Variants in RSPH14 observed in about 807,000 individuals in gnomAD.
RSPH14 encodes the protein rhabdoid tumor deletion region gene 1.
Under a neutral mutation model 26.7 loss-of-function variants are expected in RSPH14, and 20 were observed. The ratio of observed to expected loss-of-function variants is 0.75; its 90% CI spans 0.53 to 1.09. The LOEUF (loss-of-function observed/expected upper bound fraction) is 1.09, where lower values mean the gene tolerates loss of function less well. Ranked by LOEUF, RSPH14 falls within the 50% of genes least tolerant of loss-of-function variation. RSPH14 has a pLI of 0.00. For synonymous variants in RSPH14, 177 were observed against 189.3 expected (o/e 0.93, Z 0.53); for missense variants, 449 against 457.2 (o/e 0.98, Z 0.16).
intron 4 of RSPH14, among the ~76,000 whole-genome samples, chr22:23,079,746 A>G (rs1368190158): frequency 6.6e-6 from 1 of 152,092 alleles, no homozygotes; most frequent in Non-Finnish European, 1.5e-5. Context: ...TGAGTGGTAG[A>G]ATTCTGGACA....
At chr22:23,152,252 G>A in the RSPH14 span, among the ~76,000 whole-genome samples, 76 of 152,276 alleles carry the variant, frequency 5.0e-4, no homozygotes, top group African/African-American at 1.7e-3. Context: ...GAGGGGTGCA[G>A]CTCTAGGGGC....
upstream of RSPH14, chr22:23,146,473 A>G: frequency 1.5e-6 from 2 of 1,375,396 alleles, no homozygotes; most frequent in Non-Finnish European, 1.9e-6. Flanking sequence ...TGGCCTCCCA[A>G]AGTGCTGGGA....
chr22:23,158,905 T>C, the RSPH14 span: 27 of 1,613,850 alleles, frequency 1.7e-5, no homozygotes, highest in Admixed American at 4.3e-4. Context: ...CAGGCAGTGG[T>C]TGGAGGATGC....
intron 4 of RSPH14, among the ~76,000 whole-genome samples, chr22:23,070,924 C>T (rs1056481212): frequency 6.6e-6 from 1 of 151,982 alleles, no homozygotes; most frequent in Non-Finnish European, 1.5e-5. Flanking sequence ...ATGCGGAGCC[C>T]GGGCGGGCCA....
At position 23,138,742 on chromosome 22, in the gene RSPH14, G is replaced by A. The variant is rs936016280; in HGVS notation, c.302+98C>T. 14 of 982,446 alleles carry A rather than the reference G, an allele frequency of 1.4e-5. No homozygotes were observed. In the African/African-American group the frequency reaches 2.1e-4, roughly 15 times the overall value. 60.9% of individuals were successfully genotyped at this position (982,446 alleles called of 1,614,324 possible). A position where few individuals can be genotyped will look rare whatever the true frequency, so the allele number is the denominator to read the frequency against. On this transcript the variant is annotated intron_variant, in intron 3 of 6. Transcript: ENST00000216036. ...AGCCCCTGCAAAAACTGATGCGGCA[G>A]ACAACACTCCAGAGCACTCTAAGCA...
At chr22:23,109,147 G>C (rs998146849) in intron 4 of RSPH14, among the ~76,000 whole-genome samples, 1 of 152,148 alleles carries the variant, frequency 6.6e-6, no homozygotes. Context: ...CTCTTGTGAC[G>C]CACTTCACTG....
chr22:23,128,350 C>T (rs1329440965), intron 4 of RSPH14, among the ~76,000 whole-genome samples: 2 of 152,214 alleles, frequency 1.3e-5, no homozygotes, highest in Admixed American at 6.5e-5. Flanking sequence ...CTCCCCCTCT[C>T]ATCGGGCTGG....
In RSPH14 at chr22:23,059,524, C is replaced by A. The variant is rs2068044521; in HGVS notation, c.985G>T (p.Val329Leu). The A allele has an allele frequency of 6.2e-7, 1 of 1,614,208 alleles. No individual in the cohort carries two copies. The highest frequency in any genetic ancestry group is 8.5e-7 in the Non-Finnish European group (1 of 1,180,000). ...GCTGCCCGCTGTAAGGCTTCGGCCA[C>A]TTGAGGCTTTTCGTAAGTCTCCACC... ...MEVETYEKPQ[V>L]AEALQRAARI... The change falls in exon 7 of 7, where the codon GTG (valine) becomes TTG (leucine). Residue 329 changes from valine (V) to leucine (L), a missense_variant. Transcript: ENST00000216036.
At chr22:23,111,168 ACTGT>A (rs1212142906) in intron 4 of RSPH14, among the ~76,000 whole-genome samples, 19 of 152,132 alleles carry the variant, frequency 1.2e-4, no homozygotes, top group African/African-American at 4.6e-4. Flanking sequence ...GAGTGGCCTC[ACTGT>A]CTGCCTGGTT....
intron 4 of RSPH14, among the ~76,000 whole-genome samples, chr22:23,112,892 C>T (rs1377219670): frequency 6.6e-6 from 1 of 152,302 alleles, no homozygotes; most frequent in African/African-American, 2.4e-5. Flanking sequence ...ACAGCTCCAG[C>T]TGGGCAGAGC....
At chr22:23,121,595 A>G (rs1254209171) in intron 4 of RSPH14, among the ~76,000 whole-genome samples, 1 of 152,160 alleles carries the variant, frequency 6.6e-6, no homozygotes, top group Non-Finnish European at 1.5e-5. Flanking sequence ...AGCTGTGGTT[A>G]CCAGCGTCAT....
chr22:23,065,064 C>G (rs1225556457), intron 4 of RSPH14, among the ~76,000 whole-genome samples: 1 of 152,202 alleles, frequency 6.6e-6, no homozygotes, highest in Non-Finnish European at 1.5e-5. Flanking sequence ...TCTACAGCCC[C>G]CAGGGAGGTG....
the RSPH14 span, chr22:23,163,299 G>A: frequency 6.5e-6 from 1 of 154,496 alleles, no homozygotes; most frequent in Admixed American, 6.4e-5. Context: ...GCACGATCTT[G>A]GCTCACTGCA....
the RSPH14 span, among the ~76,000 whole-genome samples, chr22:23,172,587 C>T: frequency 6.6e-6 from 1 of 150,946 alleles, no homozygotes; most frequent in African/African-American, 2.4e-5. Flanking sequence ...GCCTGTAGTC[C>T]CAGCTACTTG....
the RSPH14 span, among the ~76,000 whole-genome samples, chr22:23,174,375 G>A: frequency 6.6e-6 from 1 of 151,956 alleles, no homozygotes; most frequent in Non-Finnish European, 1.5e-5. Flanking sequence ...ATGCACTCCA[G>A]CATGGGTCAC....
chr22:23,180,207 C>A, the RSPH14 span: 1 of 221,794 alleles, frequency 4.5e-6, no homozygotes, highest in Non-Finnish European at 9.0e-6. Flanking sequence ...CCAAGTGTTC[C>A]TGTTCCAGGA....
the RSPH14 span, chr22:23,162,342 G>A: frequency 2.3e-4 from 71 of 310,392 alleles, 1 homozygote; most frequent in Middle Eastern, 4.6e-3. Flanking sequence ...TGCTGCGGGA[G>A]GCAGACTGCA....
chr22:23,069,631 C>T (rs1307295633), intron 4 of RSPH14, among the ~76,000 whole-genome samples: 6 of 152,180 alleles, frequency 3.9e-5, no homozygotes, highest in Non-Finnish European at 7.4e-5. Flanking sequence ...GTCCTTCTCC[C>T]TTCCTTCCCT....
chr22:23,069,330 G>A (rs2068283339), intron 4 of RSPH14, among the ~76,000 whole-genome samples: 1 of 152,216 alleles, frequency 6.6e-6, no homozygotes, highest in African/African-American at 2.4e-5. Flanking sequence ...CACTTTGTCA[G>A]GGATGCTCTA....
Sources: allele counts gnomAD v4.1 joint callset (sites outside exome capture counted in the v4.1 genomes callset), GRCh38; gene constraint gnomAD v4.1.1; transcripts MANE v1.5; gene names NCBI Gene and HGNC (gene_info 2026-07-23, HGNC 2026-07-21).